Variants in MINPP1 observed in about 807,000 individuals in gnomAD.
MINPP1 encodes multiple inositol-polyphosphate phosphatase 1, also known as multiple inositol polyphosphate phosphatase 1.
Under a neutral mutation model 46.1 loss-of-function variants are expected in MINPP1, and 28 were observed. The ratio of observed to expected loss-of-function variants is 0.61; its 90% CI spans 0.45 to 0.83. The LOEUF (loss-of-function observed/expected upper bound fraction) is 0.83, where lower values mean the gene tolerates loss of function less well. MINPP1 is among the 40% of genes least tolerant of loss of function. MINPP1 has a pLI of 0.00. For missense variants in MINPP1, 603 were observed against 610.0 expected (o/e 0.99, Z 0.12); for synonymous variants, 268 against 249.1 (o/e 1.08, Z -0.72).
Position 87,504,957 on chromosome 10 carries a change from G to T in MINPP1, c.42G>T (p.Ala14=). The T allele has an allele frequency of 6.2e-7, 1 of 1,611,742 alleles. No individual in the cohort carries two copies. The highest frequency in any genetic ancestry group is 8.5e-7 in the Non-Finnish European group (1 of 1,179,460). ...GCTGCCTCCTCCGGACCTCCGTAGC[G>T]CCTGCCGCGGCCCTGGCTGCGGCGC... is the stretch of plus-strand genomic sequence containing the variant. The part of the protein sequence containing the change: ...APGCLLRTSV[A]PAAALAAALL... Residue 14 remains alanine, a synonymous_variant, in exon 1 of 5, where the codon GCG becomes GCT. Coordinates refer to ENST00000371996, the MANE Select transcript of MINPP1 (RefSeq NM_004897.5).
intron 3 of MINPP1, among the ~76,000 whole-genome samples, chr10:87,517,257 G>A (rs148117246): frequency 2.1e-3 from 324 of 152,302 alleles, no homozygotes; most frequent in African/African-American, 7.5e-3. Context: ...TTGACCTGTT[G>A]TGTTGTGAAA....
At chr10:87,514,331 A>G (rs1159186430) in intron 3 of MINPP1, among the ~76,000 whole-genome samples, 2 of 152,202 alleles carry the variant, frequency 1.3e-5, no homozygotes, top group Non-Finnish European at 2.9e-5. Context: ...GTTCATATTT[A>G]TGTATATCAT....
chr10:87,531,735 C>G (rs991564226), intron 4 of MINPP1, among the ~76,000 whole-genome samples: 6 of 152,132 alleles, frequency 3.9e-5, no homozygotes, highest in African/African-American at 7.2e-5. Flanking sequence ...GTAGTTGAAA[C>G]TTTTAAAATT....
intron 4 of MINPP1, among the ~76,000 whole-genome samples, chr10:87,540,449 G>A (rs1400282724): frequency 1.3e-5 from 2 of 150,800 alleles, no homozygotes; most frequent in African/African-American, 4.9e-5. Flanking sequence ...TCTCCTCTCT[G>A]TCAGTCTCTC....
intron 3 of MINPP1, among the ~76,000 whole-genome samples, chr10:87,514,663 C>T (rs1851387311): frequency 2.0e-5 from 3 of 152,096 alleles, no homozygotes; most frequent in African/African-American, 7.2e-5. Flanking sequence ...GTGATATATC[C>T]TTCTCAGTGC....
At chr10:87,506,691 G>A (rs143066859) in intron 1 of MINPP1, among the ~76,000 whole-genome samples, 72 of 152,282 alleles carry the variant, frequency 4.7e-4, no homozygotes, top group African/African-American at 1.7e-3. Flanking sequence ...AGATGAGCAA[G>A]CATTAATAGT....
intron 4 of MINPP1, among the ~76,000 whole-genome samples, chr10:87,531,666 T>C (rs1200878714): frequency 1.3e-5 from 2 of 152,218 alleles, no homozygotes; most frequent in African/African-American, 4.8e-5. Context: ...CAAAACTTTT[T>C]GAGTGCGGAT....
chr10:87,550,057 G>A (rs530040537), intron 4 of MINPP1, among the ~76,000 whole-genome samples: 1 of 152,246 alleles, frequency 6.6e-6, no homozygotes, highest in Admixed American at 6.5e-5. Context: ...ACAAGTATAT[G>A]CCCTCTCTAC....
chr10:87,531,693 A>G (rs1390810901), intron 4 of MINPP1, among the ~76,000 whole-genome samples: 1 of 152,238 alleles, frequency 6.6e-6, no homozygotes, highest in African/African-American at 2.4e-5. Context: ...CAGCAAGTCA[A>G]AAATTCCACA....
intron 4 of MINPP1, among the ~76,000 whole-genome samples, chr10:87,531,384 G>A (rs1359021937): frequency 6.6e-6 from 1 of 152,130 alleles, no homozygotes; most frequent in Non-Finnish European, 1.5e-5. Context: ...AATTACAGAG[G>A]GAAAAATGCA....
At position 87,505,126 on chromosome 10, in the gene MINPP1, C is replaced by G; in HGVS notation, c.211C>G (p.Pro71Ala). Residue 71 changes from proline (P) to alanine (A), a missense_variant, in exon 1 of 5, where the codon CCT (proline) becomes GCT (alanine). Physicochemically the swap from Pro to Ala is conservative, Grantham distance 27. Coordinates refer to ENST00000371996, the MANE Select transcript of MINPP1 (RefSeq NM_004897.5). This position sits in a 1 kb window ranked among gnomAD's most constrained non-coding sequence, Gnocchi z 4.4. ...LSGPEAPWRD[P>A]ELLEGTCTPV... The stretch of plus-strand genomic sequence containing the variant: ...GGGCCCCGAGGCTCCGTGGCGGGAC[C>G]CTGAGCTGCTGGAGGGGACCTGCAC... The G allele has an allele frequency of 6.2e-7, 1 of 1,612,588 alleles. No individual in the cohort carries two copies. Among genetic ancestry groups the G allele is most frequent in the East Asian group, 2.2e-5 (1 of 44,864 alleles).
chr10:87,506,362 T>A (rs1188468126), intron 1 of MINPP1, among the ~76,000 whole-genome samples: 1 of 152,140 alleles, frequency 6.6e-6, no homozygotes, highest in Non-Finnish European at 1.5e-5. Context: ...GTTCTTTTTC[T>A]CTTAGAAAAT....
intron 4 of MINPP1, among the ~76,000 whole-genome samples, chr10:87,532,071 C>G (rs1851667982): frequency 6.6e-6 from 1 of 152,154 alleles, no homozygotes; most frequent in Non-Finnish European, 1.5e-5. Context: ...TCCTTAATGT[C>G]TTTTTCAGAT....
intron 4 of MINPP1, among the ~76,000 whole-genome samples, chr10:87,532,553 TG>T (rs976703281): frequency 1.5e-4 from 23 of 152,330 alleles, no homozygotes; most frequent in Middle Eastern, 3.4e-3. Context: ...ATGAAGAAAC[TG>T]GCAGATGGTT....
chr10:87,515,013 G>C (rs566342227), intron 3 of MINPP1, among the ~76,000 whole-genome samples: 2 of 152,086 alleles, frequency 1.3e-5, no homozygotes, highest in African/African-American at 4.8e-5. Context: ...ACCACTCCTG[G>C]CCAGTGATGT....
Position 87,505,038 on chromosome 10 carries a change from G to A in MINPP1, c.123G>A (p.Ser41=). 6.2e-7 allele frequency: 1 copy of A among 1,613,226 alleles called. No individual in the cohort carries two copies. Among genetic ancestry groups the A allele is most frequent in the Non-Finnish European group, 8.5e-7 (1 of 1,179,908 alleles). The change falls in exon 1 of 5, where the codon TCG becomes TCA. Residue 41 remains serine (S), a synonymous_variant. Coordinates refer to ENST00000371996, the MANE Select transcript of MINPP1 (RefSeq NM_004897.5). This position sits in a 1 kb window ranked among gnomAD's most constrained non-coding sequence, Gnocchi z 4.4. ...SLLEPRDPVA[S]SLSPYFGTKT... ...TAGAGCCGAGGGACCCGGTGGCCTC[G>A]TCGCTCAGCCCCTATTTCGGCACCA... is the stretch of plus-strand genomic sequence containing the variant.
At chr10:87,534,711 TCACACACACAAAACCC>T (rs1204728855) in intron 4 of MINPP1, among the ~76,000 whole-genome samples, 1 of 152,178 alleles carries the variant, frequency 6.6e-6, no homozygotes, top group African/African-American at 2.4e-5. Context: ...AAAAGAAACC[TCACACACACAAAACCC>T]CACAACTTTT....
intron 4 of MINPP1, among the ~76,000 whole-genome samples, chr10:87,542,280 T>C (rs1851825798): frequency 6.6e-6 from 1 of 151,968 alleles, no homozygotes; most frequent in Non-Finnish European, 1.5e-5. Context: ...GGGCAGTTGT[T>C]AAATCTTTTT....
intron 4 of MINPP1, among the ~76,000 whole-genome samples, chr10:87,529,664 ATCTGACAATTATGTG>A (rs1419786094): frequency 6.6e-6 from 1 of 152,166 alleles, no homozygotes. Context: ...ACTTTAGTGA[ATCTGACAATTATGTG>A]TCTTGGAGTT....
Sources: allele counts gnomAD v4.1 joint callset (sites outside exome capture counted in the v4.1 genomes callset), GRCh38; gene constraint gnomAD v4.1.1; non-coding constraint Gnocchi (gnomAD v3.1); transcripts MANE v1.5; gene names NCBI Gene and HGNC (gene_info 2026-07-23, HGNC 2026-07-21).